The following AGBL1 variants were observed in gnomAD, a reference collection of about 807,000 sequenced individuals.
AGBL1 encodes the protein AGBL carboxypeptidase 1, also known as cytosolic carboxypeptidase 4.
A neutral mutation model predicts 118.9 loss-of-function variants in AGBL1; 130 were observed. The ratio of observed to expected loss-of-function variants is 1.09; its 90% CI spans 0.95 to 1.26. The LOEUF (loss-of-function observed/expected upper bound fraction) is 1.26, where lower values mean the gene tolerates loss of function less well. Among genes scored for constraint, AGBL1 ranks in the 50% most tolerant of loss-of-function variants. The probability of loss-of-function intolerance (pLI) is 0.00; values close to 1 mark genes in which losing one functional copy is unlikely to be tolerated. For missense variants in AGBL1, 1,584 were observed against 1,298.1 expected, an observed-to-expected ratio of 1.22 and a Z score of -3.38; for synonymous variants, 555 against 478.9, an observed-to-expected ratio of 1.16 and a Z score of -2.08.
intron 1 of AGBL1, among the ~76,000 whole-genome samples, chr15:86,097,044 A>C (rs771496038): frequency 1.2e-4 from 18 of 152,038 alleles, no homozygotes; most frequent in Non-Finnish European, 2.6e-4. Context: ...AAACCTGCAG[A>C]CTCACTTCTA....
chr15:86,446,028 G>A (rs1274996114), intron 18 of AGBL1, among the ~76,000 whole-genome samples: 1 of 152,168 alleles, frequency 6.6e-6, no homozygotes, highest in Non-Finnish European at 1.5e-5. Flanking sequence ...AGAAGGGAGA[G>A]AGACTGGTAG....
At chr15:86,383,497 G>T (rs1227117742) in intron 17 of AGBL1, among the ~76,000 whole-genome samples, 1 of 152,128 alleles carries the variant, frequency 6.6e-6, no homozygotes, top group Non-Finnish European at 1.5e-5. Context: ...TGAGGCAGGA[G>T]AATCTCTTGC....
At chr15:86,755,620 C>T (rs964781745) in intron 22 of AGBL1, among the ~76,000 whole-genome samples, 1 of 152,112 alleles carries the variant, frequency 6.6e-6, no homozygotes, top group East Asian at 1.9e-4. Flanking sequence ...TACTTCTATG[C>T]TCACTTGCCG....
At chr15:86,559,700 A>G (rs146569947) in intron 21 of AGBL1, among the ~76,000 whole-genome samples, 10 of 152,232 alleles carry the variant, frequency 6.6e-5, no homozygotes, top group East Asian at 1.9e-4. Flanking sequence ...CATTATTCCT[A>G]TTTTACAAAT....
intron 2 of AGBL1, among the ~76,000 whole-genome samples, chr15:86,142,989 T>A (rs911744067): frequency 2.6e-5 from 4 of 152,202 alleles, no homozygotes; most frequent in Non-Finnish European, 4.4e-5. Context: ...CTTGGTTAAG[T>A]CAACTTTGCC....
rs139354527 is a variant in AGBL1, at chr15:86,269,586, G to C, written c.1839-333G>C. On this transcript the variant is annotated intron_variant, in intron 13 of 22. Transcript: ENST00000614907. ...ATAGACATTTCAATTACCCTGATTT[G>C]ATCATTACACATTGTATTATTGTAT... is the stretch of plus-strand genomic sequence containing the variant. Among the ~76,000 whole-genome samples, 1,169 of 152,222 alleles carry C rather than the reference G, an allele frequency of 7.7e-3. 14 individuals are homozygous for C. The highest frequency in any genetic ancestry group is 0.027 in the African/African-American group (1,111 of 41,522).
In AGBL1 at chr15:86,910,996, T is replaced by A. The variant is rs2080342615; in HGVS notation, c.*3702T>A. On this transcript the variant is annotated 3_prime_UTR_variant, in exon 23 of 23. Coordinates refer to ENST00000614907, the MANE Select transcript of AGBL1 (RefSeq NM_001386094.1). ...CCATTCTTCCAGTCAAGCCAGGACT[T>A]TCTCTTGCTGGCCAGACCACTTCAG... 6.6e-6 allele frequency: 1 copy of A among 152,240 alleles called. No individual in the cohort carries two copies. Among genetic ancestry groups the A allele is most frequent in the South Asian group, 2.1e-4 (1 of 4,824 alleles). 9.4% of individuals were successfully genotyped at this position (152,240 alleles called of 1,614,324 possible).
intron 1 of AGBL1, among the ~76,000 whole-genome samples, chr15:86,126,284 A>G (rs1367320640): frequency 6.6e-6 from 1 of 152,186 alleles, no homozygotes; most frequent in African/African-American, 2.4e-5. Context: ...TTATTTTCAC[A>G]TAAAAACAGT....
chr15:87,027,786 A>G (rs2081747789), intron 24 of AGBL1, among the ~76,000 whole-genome samples: 2 of 152,016 alleles, frequency 1.3e-5, no homozygotes, highest in African/African-American at 4.8e-5. Context: ...GCGGGAACAG[A>G]AAGCCAAACA....
intron 21 of AGBL1, among the ~76,000 whole-genome samples, chr15:86,571,163 G>C (rs1424293528): frequency 6.6e-6 from 1 of 152,126 alleles, no homozygotes; most frequent in East Asian, 1.9e-4. Context: ...GAACTGCTGG[G>C]GGCCCCAAAG....
At chr15:86,564,988 C>T (rs978416181) in intron 21 of AGBL1, among the ~76,000 whole-genome samples, 1 of 152,178 alleles carries the variant, frequency 6.6e-6, no homozygotes, top group Non-Finnish European at 1.5e-5. Flanking sequence ...CCATCAGGTC[C>T]TTTAAGGACT....
chr15:86,754,358 G>T (rs1388333141), intron 22 of AGBL1, among the ~76,000 whole-genome samples: 1 of 152,078 alleles, frequency 6.6e-6, no homozygotes, highest in Non-Finnish European at 1.5e-5. Flanking sequence ...TGGAACTCAA[G>T]GGTACCAAGG....
At chr15:86,376,045 T>A (rs1225322683) in intron 17 of AGBL1, among the ~76,000 whole-genome samples, 2 of 152,234 alleles carry the variant, frequency 1.3e-5, no homozygotes, top group Non-Finnish European at 2.9e-5. Flanking sequence ...ATATAGTTTA[T>A]GGCTATGTGA....
At chr15:86,206,814 A>G (rs940980097) in intron 5 of AGBL1, among the ~76,000 whole-genome samples, 6 of 152,198 alleles carry the variant, frequency 3.9e-5, no homozygotes, top group Admixed American at 1.3e-4. Context: ...CTATAGTTTC[A>G]TTAGATCCCA....
chr15:86,923,967 T>C (rs1459236665), intron 23 of AGBL1, among the ~76,000 whole-genome samples: 2 of 152,200 alleles, frequency 1.3e-5, no homozygotes, highest in South Asian at 2.1e-4. Context: ...TTACTCTAGA[T>C]AATACATCAA....
chr15:86,650,903 G>A (rs2085358564), intron 21 of AGBL1, among the ~76,000 whole-genome samples: 1 of 152,146 alleles, frequency 6.6e-6, no homozygotes, highest in Admixed American at 6.5e-5. Flanking sequence ...TTTGATTTGG[G>A]GATTTCATTG....
chr15:86,232,254 C>G (rs375722127), intron 6 of AGBL1, among the ~76,000 whole-genome samples: 1 of 152,218 alleles, frequency 6.6e-6, no homozygotes. Context: ...CCATCCCTGT[C>G]CCCTTGGGAC....
intron 3 of AGBL1, among the ~76,000 whole-genome samples, chr15:86,152,062 C>A (rs1382384556): frequency 6.6e-6 from 1 of 152,030 alleles, no homozygotes; most frequent in Admixed American, 6.6e-5. Context: ...GTAGATACGA[C>A]AAATCAATAT....
intron 17 of AGBL1, among the ~76,000 whole-genome samples, chr15:86,333,591 T>C (rs1241508667): frequency 6.6e-6 from 1 of 152,196 alleles, no homozygotes; most frequent in Non-Finnish European, 1.5e-5. Context: ...CACAGCAGAA[T>C]TCTACTAGAC....
Sources: gnomAD v4.1 joint callset for allele counts (sites outside exome capture counted in the v4.1 genomes callset) on GRCh38, gnomAD v4.1.1 for gene constraint, MANE v1.5 for transcripts, NCBI Gene and HGNC (gene_info 2026-07-23, HGNC 2026-07-21) for gene names.